Variants in ADORA2B observed in about 807,000 individuals in gnomAD.
ADORA2B encodes adenosine receptor A2b.
In ADORA2B, 18 loss-of-function variants were observed where a neutral mutation model predicts 20.8. The observed-to-expected ratio is 0.87, with a 90% CI of 0.60 to 1.29. The LOEUF (loss-of-function observed/expected upper bound fraction) is 1.29, where lower values mean the gene tolerates loss of function less well. ADORA2B is among the 50% of genes most tolerant of loss of function. The probability of loss-of-function intolerance (pLI) is 0.00; values close to 1 mark genes in which losing one functional copy is unlikely to be tolerated. For missense variants in ADORA2B, 441 were observed against 422.7 expected, an observed-to-expected ratio of 1.04 and a Z score of -0.38; for synonymous variants, 179 against 178.3, an observed-to-expected ratio of 1.00 and a Z score of -0.03.
chr17:15,895,835 A>C, the ADORA2B span, among the ~76,000 whole-genome samples: 1 of 152,088 alleles, frequency 6.6e-6, no homozygotes, highest in African/African-American at 2.4e-5. Context: ...ACACCTGGGG[A>C]CCCCAGTGTT....
At chr17:15,863,188 T>C in the ADORA2B span, among the ~76,000 whole-genome samples, 1 of 152,196 alleles carries the variant, frequency 6.6e-6, no homozygotes, top group Non-Finnish European at 1.5e-5. Flanking sequence ...ACAGGAAGGC[T>C]ATGGGTATAT....
chr17:15,945,389 G>T lies in ADORA2B; in HGVS notation c.141G>T (p.Val47=). Residue 47 remains valine, a synonymous_variant, in exon 1 of 2, where the codon GTG becomes GTT. Transcript: ENST00000304222. ...AGACGCCCACCAACTACTTCCTGGT[G>T]TCCCTGGCTGCGGCCGACGTGGCCG... is the stretch of plus-strand genomic sequence containing the variant. The part of the protein sequence containing the change: ...TLQTPTNYFL[V]SLAAADVAVG... 6.2e-7 allele frequency: 1 copy of T among 1,613,170 alleles called. No individual in the cohort carries two copies.
chr17:15,859,592 A>G, the ADORA2B span, among the ~76,000 whole-genome samples: 3 of 151,862 alleles, frequency 2.0e-5, no homozygotes, highest in Admixed American at 2.0e-4. Context: ...TTTCCCCTAT[A>G]ACTATAAACT....
the ADORA2B span, among the ~76,000 whole-genome samples, chr17:15,916,905 G>A: frequency 6.6e-6 from 1 of 152,202 alleles, no homozygotes; most frequent in Admixed American, 6.5e-5. Context: ...GCTTGGAGAA[G>A]GCAAAGCAAG....
At chr17:15,971,254 G>T (rs936034956) in intron 1 of ADORA2B, among the ~76,000 whole-genome samples, 2 of 152,194 alleles carry the variant, frequency 1.3e-5, no homozygotes, top group Non-Finnish European at 1.5e-5. Flanking sequence ...TATGCTGCAG[G>T]GACTAATTGT....
chr17:15,899,651 A>G, the ADORA2B span, among the ~76,000 whole-genome samples: 1 of 151,962 alleles, frequency 6.6e-6, no homozygotes, highest in South Asian at 2.1e-4. Flanking sequence ...TATGCCCATG[A>G]CTACCCAGTG....
the ADORA2B span, among the ~76,000 whole-genome samples, chr17:15,876,933 G>A: frequency 6.6e-6 from 1 of 152,044 alleles, no homozygotes; most frequent in Non-Finnish European, 1.5e-5. Flanking sequence ...TTGTCCCCCA[G>A]CCACCATTCT....
chr17:15,934,322 G>T, the ADORA2B span, among the ~76,000 whole-genome samples: 1 of 152,074 alleles, frequency 6.6e-6, no homozygotes, highest in Admixed American at 6.6e-5. Flanking sequence ...TCTGCCTCCT[G>T]AGTTCAAGCA....
the ADORA2B span, among the ~76,000 whole-genome samples, chr17:15,867,852 C>T: frequency 1.3e-5 from 2 of 150,992 alleles, no homozygotes; most frequent in African/African-American, 4.9e-5. Context: ...TGCCCGGCCA[C>T]CACCCTGTCT....
chr17:15,906,988 AGAGGAAAGCT>A, the ADORA2B span, among the ~76,000 whole-genome samples: 1 of 152,200 alleles, frequency 6.6e-6, no homozygotes, highest in Non-Finnish European at 1.5e-5. Flanking sequence ...CCCATCATAC[AGAGGAAAGCT>A]TGCCATCTCT....
At chr17:15,952,331 A>G (rs954552921) in intron 1 of ADORA2B, among the ~76,000 whole-genome samples, 2 of 152,168 alleles carry the variant, frequency 1.3e-5, no homozygotes, top group African/African-American at 4.8e-5. Context: ...TCTGGGTGCC[A>G]GGCACCTTAC....
At chr17:15,891,973 C>T in the ADORA2B span, among the ~76,000 whole-genome samples, 31 of 151,224 alleles carry the variant, frequency 2.0e-4, no homozygotes, top group African/African-American at 7.5e-4. Flanking sequence ...TCAGCCTTCC[C>T]CAGTAGCTGG....
the ADORA2B span, among the ~76,000 whole-genome samples, chr17:15,933,037 G>T: frequency 2.0e-5 from 3 of 147,834 alleles, no homozygotes; most frequent in Non-Finnish European, 4.4e-5. Context: ...CTCACTGCAA[G>T]CTCTGCCTCC....
intron 1 of ADORA2B, among the ~76,000 whole-genome samples, chr17:15,964,787 C>T (rs8081235): frequency 0.22 from 32,987 of 150,720 alleles, 4,103 homozygotes; most frequent in African/African-American, 0.32. Context: ...TCTGGCCGGG[C>T]GCGGTGGCTC....
Position 15,974,893 on chromosome 17 carries a change from T to C in ADORA2B, c.550T>C (p.Tyr184His). Reference protein sequence around the residue: ...ENVVPMSYMVYFNFFGCVLPP... With the variant: ...ENVVPMSYMVHFNFFGCVLPP... ...TGTGGTCCCCATGAGCTACATGGTA[T>C]ATTTCAATTTCTTTGGGTGTGTTCT... Residue 184 changes from tyrosine to histidine, a missense_variant, in exon 2 of 2, where the codon TAT becomes CAT. Physicochemically the swap from Tyr to His is moderately conservative, Grantham distance 83 (BLOSUM62 2). Transcript: ENST00000304222. 1 of 1,614,178 alleles carries C rather than the reference T, an allele frequency of 6.2e-7. No individual in the cohort carries two copies.
At chr17:15,874,070 A>ATATATATATGTATATATATATG in the ADORA2B span, among the ~76,000 whole-genome samples, 2 of 85,148 alleles carry the variant, frequency 2.3e-5, no homozygotes, top group African/African-American at 7.3e-5. Flanking sequence ...GTGTGTGTGT[A>ATATATATATGTATATATATATG]TATATATATA....
At chr17:15,921,175 C>CCCAG in the ADORA2B span, among the ~76,000 whole-genome samples, 41,761 of 151,954 alleles carry the variant, frequency 0.27, 6,620 homozygotes, top group African/African-American at 0.44. Flanking sequence ...AAACCTGTTT[C>CCCAG]CAGAAAGCAG....
chr17:15,923,896 T>G, the ADORA2B span, among the ~76,000 whole-genome samples: 2 of 152,120 alleles, frequency 1.3e-5, no homozygotes, highest in African/African-American at 4.8e-5. Flanking sequence ...GCAGCTTTGT[T>G]TTTTTTGTTG....
chr17:15,937,924 CT>C, the ADORA2B span, among the ~76,000 whole-genome samples: 3 of 152,102 alleles, frequency 2.0e-5, no homozygotes, highest in East Asian at 5.8e-4. Flanking sequence ...TTTAGTTTTT[CT>C]TTTTAATTTT....
Sources: gnomAD v4.1 joint callset for allele counts (sites outside exome capture counted in the v4.1 genomes callset) on GRCh38, gnomAD v4.1.1 for gene constraint, MANE v1.5 for transcripts, NCBI Gene and HGNC (gene_info 2026-07-23, HGNC 2026-07-21) for gene names.